TLE4: variants seen among roughly 807,000 people sequenced by gnomAD.
The protein encoded by TLE4 is TLE family member 4, transcriptional corepressor.
A neutral mutation model predicts 92.8 loss-of-function variants in TLE4; 8 were observed. The observed-to-expected ratio is 0.09, with a 90% CI of 0.05 to 0.16. TLE4 has a LOEUF of 0.16. Ranked by LOEUF, TLE4 falls within the 10% of genes least tolerant of loss-of-function variation. The probability of loss-of-function intolerance (pLI) is 1.00; values close to 1 mark genes in which losing one functional copy is unlikely to be tolerated. For synonymous variants in TLE4, 371 were observed against 374.1 expected, an observed-to-expected ratio of 0.99 and a Z score of 0.10; for missense variants, 675 against 997.6, an observed-to-expected ratio of 0.68 and a Z score of 4.36.
At chr9:79,718,117 A>G (rs750182348) in intron 14 of TLE4, 11 of 455,818 alleles carry the variant, frequency 2.4e-5, no homozygotes, top group Non-Finnish European at 8.8e-6. Context: ...TTCTCATTCC[A>G]TTTGGATTGA....
rs145854285 is a variant in TLE4, at chr9:79,684,391, C to T, written c.610-20392C>T. 8.5e-5 allele frequency among the ~76,000 whole-genome samples: 13 copies of T among 152,238 alleles called. No homozygotes were observed. The East Asian group carries it at 2.5e-3, about 29-fold the overall frequency. On this transcript the variant is annotated intron_variant, in intron 8 of 19. Coordinates refer to ENST00000376552, the MANE Select transcript of TLE4 (RefSeq NM_007005.6). ...GTGAGTGGCGGCTGAGTGAGCATTACCACCTGAGCTCCACCTCCTGTCACA... is the reference window on the plus strand; with the variant it reads ...GTGAGTGGCGGCTGAGTGAGCATTATCACCTGAGCTCCACCTCCTGTCACA...
At chr9:79,652,507 C>T (rs1454439322) in intron 6 of TLE4, 86 bp from the exon 7 acceptor site, 17 of 1,501,182 alleles carry the variant, frequency 1.1e-5, no homozygotes, top group South Asian at 4.6e-5. Flanking sequence ...TTTTTACTGC[C>T]GATTTATGCC....
chr9:79,653,136 T>C (rs79040062), intron 7 of TLE4, among the ~76,000 whole-genome samples: 1,694 of 152,350 alleles, frequency 0.011, 39 homozygotes, highest in African/African-American at 0.038. Context: ...TTGACTGAAT[T>C]TATTTTGGGG....
chr9:79,678,908 G>C (rs1240639388), intron 8 of TLE4, among the ~76,000 whole-genome samples: 2 of 152,026 alleles, frequency 1.3e-5, no homozygotes, highest in Non-Finnish European at 2.9e-5. Context: ...TGCTGAGAAT[G>C]ATGATTTCCA....
At chr9:79,659,367 A>G (rs1276520003) in intron 8 of TLE4, among the ~76,000 whole-genome samples, 1 of 152,004 alleles carries the variant, frequency 6.6e-6, no homozygotes, top group East Asian at 1.9e-4. Flanking sequence ...GTGTACTTCA[A>G]TATGCAAAAT....
intron 4 of TLE4, 120 bp from the exon 5 acceptor site, chr9:79,612,536 C>T: frequency 1.1e-6 from 1 of 913,956 alleles, no homozygotes; most frequent in Non-Finnish European, 1.8e-6. Flanking sequence ...TTTCCTCTTC[C>T]TTAGGAAATA....
At chr9:79,628,547 G>T (rs1446442207) in intron 6 of TLE4, among the ~76,000 whole-genome samples, 1 of 151,014 alleles carries the variant, frequency 6.6e-6, no homozygotes, top group Non-Finnish European at 1.5e-5. Context: ...TTTTTAATGG[G>T]GTATTTGGAG....
chr9:79,592,249 CTTCT>C (rs1164638418), intron 4 of TLE4, among the ~76,000 whole-genome samples: 1 of 130,244 alleles, frequency 7.7e-6, no homozygotes, highest in Non-Finnish European at 1.6e-5. Context: ...TCTGCTTCTT[CTTCT>C]TTCTTCTTTC....
At chr9:79,649,730 C>G (rs971247523) in intron 6 of TLE4, 1 of 1,129,238 alleles carries the variant, frequency 8.9e-7, no homozygotes, top group African/African-American at 1.6e-5. Context: ...GGAAGCCTTA[C>G]TGTGAATGTC....
chr9:79,683,662 A>G (rs945156913), intron 8 of TLE4, among the ~76,000 whole-genome samples: 3 of 152,204 alleles, frequency 2.0e-5, no homozygotes, highest in Admixed American at 6.5e-5. Context: ...GGTGTGGTTA[A>G]TCTCACTGAT....
At position 79,708,633 on chromosome 9, in the gene TLE4, T is replaced by C; in HGVS notation, c.1110T>C (p.Tyr370=). Residue 370 remains tyrosine (Y), a synonymous_variant, in exon 13 of 20, where the codon TAT becomes TAC. Transcript: ENST00000376552. ...LRTPMAVPCP[Y]PTPFGIVPHA... is the part of the protein sequence containing the mutation. ...CCCCAATGGCAGTACCTTGTCCATA[T>C]CCAACTCCATTTGGGATTGTGCCCC... 1 of 1,614,116 alleles carries C rather than the reference T, an allele frequency of 6.2e-7. No homozygotes were observed. Among genetic ancestry groups the C allele is most frequent in the Non-Finnish European group, 8.5e-7 (1 of 1,180,020 alleles).
intron 19 of TLE4, among the ~76,000 whole-genome samples, chr9:79,723,306 A>T (rs1484273476): frequency 6.6e-6 from 1 of 152,108 alleles, no homozygotes; most frequent in Non-Finnish European, 1.5e-5. Context: ...TTTGGAGTAG[A>T]GGTTTTATGT....
intron 15 of TLE4, among the ~76,000 whole-genome samples, chr9:79,719,496 T>A (rs1418412904): frequency 6.6e-6 from 1 of 152,188 alleles, no homozygotes; most frequent in Admixed American, 6.5e-5. Context: ...GAGGAACTTT[T>A]TTTTTCTGTA....
At chr9:79,583,400 C>T (rs2040219075) in intron 4 of TLE4, among the ~76,000 whole-genome samples, 1 of 152,198 alleles carries the variant, frequency 6.6e-6, no homozygotes, top group South Asian at 2.1e-4. Flanking sequence ...GATTTGCCCA[C>T]ACACATTTCA....
intron 6 of TLE4, among the ~76,000 whole-genome samples, chr9:79,641,221 A>G (rs532092722): frequency 6.6e-6 from 1 of 151,784 alleles, no homozygotes; most frequent in South Asian, 2.1e-4. Flanking sequence ...GATAGTATTT[A>G]ATACTCACTT....
At chr9:79,582,469 C>G (rs1318133835) in intron 4 of TLE4, among the ~76,000 whole-genome samples, 1 of 152,198 alleles carries the variant, frequency 6.6e-6, no homozygotes, top group Non-Finnish European at 1.5e-5. Flanking sequence ...ACAATACAAG[C>G]ACCAGCCCAT....
rs566713563 is a variant in TLE4 at position 79,572,219 on chromosome 9, T to G, written c.-572T>G. ...AGATGTGGTAAAAGAAGCTAAAAGG[T>G]GCCTTTTAAAAGATCGTTGCTGTGA... On this transcript the variant is annotated 5_prime_UTR_variant, in exon 1 of 20. Coordinates refer to ENST00000376552, the MANE Select transcript of TLE4 (RefSeq NM_007005.6). The G allele has an allele frequency of 6.6e-6, 1 of 150,574 alleles. No homozygotes were observed. The highest frequency in any genetic ancestry group is 2.4e-5 in the African/African-American group (1 of 40,884). The allele number at this position is 150,574 out of a possible 1,614,324, so 9.3% of individuals were successfully genotyped here.
chr9:79,644,242 G>C (rs142684294), intron 6 of TLE4, among the ~76,000 whole-genome samples: 1 of 152,040 alleles, frequency 6.6e-6, no homozygotes, highest in African/African-American at 2.4e-5. Flanking sequence ...CTGCTGCCAC[G>C]TGAAGAAGGG....
intron 1 of TLE4, 67 bp downstream of exon 1, chr9:79,572,902 A>G: frequency 3.3e-6 from 5 of 1,526,714 alleles, no homozygotes; most frequent in Non-Finnish European, 3.6e-6. Context: ...CCCCCTGCGC[A>G]CCGAGTTGTG....
Sources: gnomAD v4.1 joint callset for allele counts (sites outside exome capture counted in the v4.1 genomes callset) on GRCh38, gnomAD v4.1.1 for gene constraint, MANE v1.5 for transcripts, NCBI Gene and HGNC (gene_info 2026-07-23, HGNC 2026-07-21) for gene names.